Variants in DLG2 observed in about 807,000 individuals in gnomAD.
DLG2 encodes the protein disks large homolog 2.
A neutral mutation model predicts 132.5 loss-of-function variants in DLG2; 45 were observed. The observed-to-expected ratio is 0.34, with a 90% CI of 0.27 to 0.44. The LOEUF is 0.44. Among genes scored for constraint, DLG2 ranks in the 20% least tolerant of loss-of-function variants. The pLI, the probability that DLG2 is intolerant of heterozygous loss-of-function variation, is 1.00. For missense variants in DLG2, 1,045 were observed against 1,196.9 expected, an observed-to-expected ratio of 0.87 and a Z score of 1.87; for synonymous variants, 424 against 419.6, an observed-to-expected ratio of 1.01 and a Z score of -0.13.
At chr11:84,255,746 T>C (rs904502901) in intron 7 of DLG2, among the ~76,000 whole-genome samples, 1 of 152,098 alleles carries the variant, frequency 6.6e-6, no homozygotes, top group Non-Finnish European at 1.5e-5. Context: ...AGGAGATTTA[T>C]GAAAAATCTA....
At chr11:84,390,467 T>C (rs960412648) in intron 7 of DLG2, among the ~76,000 whole-genome samples, 6 of 152,174 alleles carry the variant, frequency 3.9e-5, no homozygotes, top group Non-Finnish European at 5.9e-5. Flanking sequence ...TAGAAAAATC[T>C]AGAGTTAATC....
intron 3 of DLG2, among the ~76,000 whole-genome samples, chr11:85,356,457 A>G (rs2083700016): frequency 6.6e-6 from 1 of 152,180 alleles, no homozygotes; most frequent in Non-Finnish European, 1.5e-5. Flanking sequence ...CCTAGAGTAC[A>G]AAGAAATATT....
intron 8 of DLG2, among the ~76,000 whole-genome samples, chr11:84,241,195 C>T (rs1395929038): frequency 6.6e-6 from 1 of 152,222 alleles, no homozygotes; most frequent in East Asian, 1.9e-4. Flanking sequence ...TCCCTTCCTG[C>T]CTGTCTGCCT....
intron 18 of DLG2, among the ~76,000 whole-genome samples, chr11:83,760,305 CAGATAA>C (rs1250645854): frequency 3.9e-5 from 6 of 152,188 alleles, no homozygotes; most frequent in Admixed American, 6.5e-5. Context: ...CCATTATTGG[CAGATAA>C]CAAAATTGAG....
chr11:84,380,851 T>C (rs553293603), intron 7 of DLG2, among the ~76,000 whole-genome samples: 1 of 152,024 alleles, frequency 6.6e-6, no homozygotes, highest in Non-Finnish European at 1.5e-5. Context: ...ACCAGGAACA[T>C]CATTTTGCAT....
At chr11:83,486,543 A>C (rs1029756141) in intron 21 of DLG2, among the ~76,000 whole-genome samples, 1 of 152,072 alleles carries the variant, frequency 6.6e-6, no homozygotes, top group Admixed American at 6.6e-5. Context: ...TCTGTGATTA[A>C]TTCTTTTATG....
At chr11:84,225,232 A>G (rs1180049897) in intron 8 of DLG2, among the ~76,000 whole-genome samples, 5 of 152,222 alleles carry the variant, frequency 3.3e-5, no homozygotes, top group Non-Finnish European at 5.9e-5. Context: ...TATTAATAAC[A>G]TATTTGAATA....
chr11:84,195,789 C>G (rs570802836), intron 8 of DLG2, among the ~76,000 whole-genome samples: 2 of 152,316 alleles, frequency 1.3e-5, no homozygotes, highest in South Asian at 2.1e-4. Flanking sequence ...TTATGATGCC[C>G]TCCACTTTTC....
chr11:84,935,436 T>C (rs571940723), intron 6 of DLG2, among the ~76,000 whole-genome samples: 2 of 152,332 alleles, frequency 1.3e-5, no homozygotes, highest in South Asian at 4.1e-4. Flanking sequence ...CCCAGCCTGA[T>C]TTAGAATCAG....
intron 6 of DLG2, among the ~76,000 whole-genome samples, chr11:84,718,571 G>T (rs1390389173): frequency 6.6e-6 from 1 of 152,154 alleles, no homozygotes; most frequent in Non-Finnish European, 1.5e-5. Context: ...TACACCAATG[G>T]CTTATCTTAT....
At chr11:84,970,023 G>C (rs1489485075) in intron 6 of DLG2, among the ~76,000 whole-genome samples, 3 of 152,084 alleles carry the variant, frequency 2.0e-5, no homozygotes, top group South Asian at 2.1e-4. Flanking sequence ...TTTGTGGGGT[G>C]GGGGGCTAGG....
chr11:84,806,785 C>A (rs2076047833), intron 6 of DLG2, among the ~76,000 whole-genome samples: 1 of 152,080 alleles, frequency 6.6e-6, no homozygotes, highest in Non-Finnish European at 1.5e-5. Context: ...TGGGCAAATA[C>A]AGTAGATTTT....
intron 16 of DLG2, among the ~76,000 whole-genome samples, chr11:83,854,815 TTTTATTA>T (rs1471659977): frequency 6.6e-6 from 1 of 152,092 alleles, no homozygotes; most frequent in Admixed American, 6.5e-5. Context: ...ACAGTTTTTA[TTTTATTA>T]AAATAAAAAC....
At chr11:85,113,473 T>C (rs1004058316) in intron 5 of DLG2, among the ~76,000 whole-genome samples, 6 of 152,070 alleles carry the variant, frequency 3.9e-5, no homozygotes, top group Non-Finnish European at 7.4e-5. Flanking sequence ...ACCTGATTTC[T>C]GACACTAAGA....
chr11:84,803,622 A>G (rs1480804873), intron 6 of DLG2, among the ~76,000 whole-genome samples: 1 of 152,232 alleles, frequency 6.6e-6, no homozygotes, highest in Admixed American at 6.5e-5. Flanking sequence ...CTATGATTCC[A>G]ATAGAAAGCA....
At chr11:84,952,696 T>A (rs1285432704) in intron 6 of DLG2, among the ~76,000 whole-genome samples, 1 of 152,134 alleles carries the variant, frequency 6.6e-6, no homozygotes, top group Non-Finnish European at 1.5e-5. Flanking sequence ...ATAGAGATTT[T>A]AAAAAAAGAA....
At chr11:85,151,353 A>T (rs139889212) in intron 5 of DLG2, among the ~76,000 whole-genome samples, 277 of 149,456 alleles carry the variant, frequency 1.9e-3, no homozygotes, top group African/African-American at 6.5e-3. Flanking sequence ...TGATGTACAG[A>T]AGTCTTTAAG....
At chr11:84,785,019 C>T (rs765283094) in intron 6 of DLG2, among the ~76,000 whole-genome samples, 6 of 151,910 alleles carry the variant, frequency 3.9e-5, no homozygotes, top group African/African-American at 9.7e-5. Context: ...AATCATTCTA[C>T]GATGTATGTA....
intron 7 of DLG2, among the ~76,000 whole-genome samples, chr11:84,363,142 C>G (rs1263552418): frequency 1.3e-5 from 2 of 151,418 alleles, no homozygotes; most frequent in African/African-American, 4.9e-5. Flanking sequence ...TAAAAGTGTT[C>G]CTATTTCTCC....
Sources: allele counts gnomAD v4.1 joint callset (sites outside exome capture counted in the v4.1 genomes callset), GRCh38; gene constraint gnomAD v4.1.1; transcripts MANE v1.5; gene names NCBI Gene and HGNC (gene_info 2026-07-23, HGNC 2026-07-21).